RAB3GAP2: variants seen among roughly 807,000 people sequenced by gnomAD.
RAB3GAP2 encodes RAB3 GTPase activating non-catalytic protein subunit 2, also known as rab3 GTPase-activating protein non-catalytic subunit.
RAB3GAP2 carries 87 observed loss-of-function variants against 185.3 expected under a neutral mutation model. The ratio of observed to expected loss-of-function variants is 0.47; its 90% CI spans 0.39 to 0.56. RAB3GAP2 has a LOEUF of 0.56. RAB3GAP2 is among the 20% of genes least tolerant of loss of function. The pLI, the probability that RAB3GAP2 is intolerant of heterozygous loss-of-function variation, is 0.00. For missense variants in RAB3GAP2, 1,492 were observed against 1,638.2 expected (o/e 0.91, Z 1.54); for synonymous variants, 554 against 576.1 (o/e 0.96, Z 0.55).
chr1:220,163,295 G>A (rs954644554), intron 27 of RAB3GAP2, among the ~76,000 whole-genome samples: 9 of 152,048 alleles, frequency 5.9e-5, no homozygotes, highest in Non-Finnish European at 7.4e-5. Context: ...AACCCTACTC[G>A]ATGGGTAAAG....
At chr1:220,218,298 G>C (rs1325713551) in intron 2 of RAB3GAP2, among the ~76,000 whole-genome samples, 1 of 151,996 alleles carries the variant, frequency 6.6e-6, no homozygotes, top group Non-Finnish European at 1.5e-5. Flanking sequence ...TATCCTCCCA[G>C]TTTGCCATGG....
At chr1:220,163,740 C>CATAT (rs1274317823) in intron 27 of RAB3GAP2, among the ~76,000 whole-genome samples, 4,401 of 89,726 alleles carry the variant, frequency 0.049, 126 homozygotes, top group African/African-American at 0.064. Context: ...TATATAAATA[C>CATAT]ATACATATAT....
chr1:220,272,160 G>T, intron 1 of RAB3GAP2, 63 bp downstream of exon 1: 2 of 1,391,698 alleles, frequency 1.4e-6, no homozygotes, highest in South Asian at 1.2e-5. Context: ...TAGGAGACTC[G>T]AACCCGTGAG....
chr1:220,224,141 A>G (rs1198219995), intron 2 of RAB3GAP2, among the ~76,000 whole-genome samples: 1 of 152,138 alleles, frequency 6.6e-6, no homozygotes, highest in Non-Finnish European at 1.5e-5. Context: ...TTTAATCCTC[A>G]TGGCAATACT....
Position 220,232,461 on chromosome 1 carries a change from C to T in RAB3GAP2, c.180+338G>A, listed in dbSNP as rs145082024. Reference sequence around the variant, plus strand: ...CAGCCTCTGGTCCTATCACCTTCACCGTATTATGATGCAGCAAGAAGGCTC... The same window carrying T: ...CAGCCTCTGGTCCTATCACCTTCACTGTATTATGATGCAGCAAGAAGGCTC... On this transcript the variant is annotated intron_variant, in intron 2 of 34. Transcript: ENST00000358951. Among the ~76,000 whole-genome samples, 11 of 152,310 alleles carry T rather than the reference C, an allele frequency of 7.2e-5. No homozygotes were observed. The East Asian group carries it at 1.5e-3, about 21-fold the overall frequency.
chr1:220,182,849 G>T lies in RAB3GAP2; in HGVS notation c.2081C>A (p.Thr694Asn), dbSNP rs754391529. The T allele has an allele frequency of 3.1e-6, 5 of 1,613,278 alleles. No individual in the cohort carries two copies. Among genetic ancestry groups the T allele is most frequent in the South Asian group, 1.1e-5 (1 of 91,058 alleles). The change falls in exon 20 of 35, where the codon ACC (threonine) becomes AAC (asparagine). Residue 694 changes from threonine (T) to asparagine (N), a missense_variant. By Grantham distance (65) the Thr-to-Asn change is moderately conservative. Transcript: ENST00000358951. ...ATCAGAAAATCGAACATTTGTCCTG[G>T]TGTTCTCTTGCTTATATTTCTCTAG... ...ALLEKYKQENTRTNVRFSDDK... is the reference protein window; with the variant it reads ...ALLEKYKQENNRTNVRFSDDK...
intron 24 of RAB3GAP2, 94 bp from the exon 25 acceptor site, chr1:220,167,769 T>A: frequency 7.7e-7 from 1 of 1,292,030 alleles, no homozygotes; most frequent in Non-Finnish European, 1.1e-6. Context: ...GAGATCTAAG[T>A]GCCACATTCA....
intron 1 of RAB3GAP2, among the ~76,000 whole-genome samples, chr1:220,258,324 T>TA (rs925992138): frequency 2.3e-4 from 35 of 152,264 alleles, no homozygotes; most frequent in Admixed American, 9.2e-4. Flanking sequence ...AACATCAGTG[T>TA]AAAAATTCTC....
chr1:220,200,252 G>C (rs928982345), intron 9 of RAB3GAP2, among the ~76,000 whole-genome samples: 9 of 152,106 alleles, frequency 5.9e-5, no homozygotes, highest in Admixed American at 5.9e-4. Flanking sequence ...TCAAGTCTCA[G>C]TCTGAATGTC....
intron 1 of RAB3GAP2, chr1:220,266,322 G>A: frequency 3.2e-6 from 1 of 308,076 alleles, no homozygotes; most frequent in Non-Finnish European, 6.2e-6. Context: ...CAGGTACTTG[G>A]AAGGTTATTG....
At chr1:220,268,421 G>T (rs975428197) in intron 1 of RAB3GAP2, among the ~76,000 whole-genome samples, 2 of 152,032 alleles carry the variant, frequency 1.3e-5, no homozygotes, top group Non-Finnish European at 2.9e-5. Context: ...CTTGAATACC[G>T]TAGAGTACAG....
intron 1 of RAB3GAP2, chr1:220,267,359 G>T: frequency 8.5e-7 from 1 of 1,174,740 alleles, no homozygotes; most frequent in East Asian, 2.4e-5. Context: ...TGTTGGAGGT[G>T]GGACTGTATT....
intron 7 of RAB3GAP2, among the ~76,000 whole-genome samples, chr1:220,209,422 A>G (rs901678886): frequency 6.6e-6 from 1 of 152,124 alleles, no homozygotes; most frequent in African/African-American, 2.4e-5. Flanking sequence ...ACCTAATTAA[A>G]TTCTATACCC....
chr1:220,272,111 T>C, intron 1 of RAB3GAP2, 112 bp downstream of exon 1: 1 of 905,554 alleles, frequency 1.1e-6, no homozygotes. Flanking sequence ...CGGGGAGAAC[T>C]GGGGGTCCAG....
In RAB3GAP2 at chr1:220,184,158, C is replaced by G. The variant is rs1467435247; in HGVS notation, c.1876G>C (p.Glu626Gln). ...LMDTLKSQEL[E>Q]SVDEGLLQFC... ...TGTAGCAATCCTTCATCAACAGACT[C>G]AAGTTCTAAAAGGCAGAAGGAAAAG... The change falls in exon 19 of 35, where the codon GAG (glutamate) becomes CAG (glutamine). Residue 626 changes from glutamate to glutamine, a missense_variant. Glu to Gln is a conservative substitution (Grantham distance 29). This residue lies in a region of RAB3GAP2 where 681 missense variants were observed against 689.1 expected (regional missense o/e 0.99). Transcript: ENST00000358951. 2 of 1,610,310 alleles carry G rather than the reference C, an allele frequency of 1.2e-6. No homozygotes were observed. The highest frequency in any genetic ancestry group is 1.1e-5 in the South Asian group (1 of 90,960).
intron 1 of RAB3GAP2, among the ~76,000 whole-genome samples, chr1:220,261,069 T>G (rs1660127738): frequency 6.6e-6 from 1 of 151,956 alleles, no homozygotes; most frequent in African/African-American, 2.4e-5. Flanking sequence ...TTTACATACT[T>G]TAAAAAAAAG....
rs1255078660 is a variant in RAB3GAP2, at chr1:220,150,985, T to A, written c.*266A>T. 10 of 414,610 alleles carry A rather than the reference T, an allele frequency of 2.4e-5. No individual in the cohort carries two copies. In the Admixed American group the frequency reaches 2.9e-4, roughly 12 times the overall value. 25.7% of individuals were successfully genotyped at this position (414,610 alleles called of 1,614,324 possible). A position where few individuals can be genotyped will look rare whatever the true frequency, so the allele number is the denominator to read the frequency against. On this transcript the variant is annotated 3_prime_UTR_variant, in exon 35 of 35. Transcript: ENST00000358951. ...AAGTTTAACAATAAAGCTACTTAAGTGTTTGAATTAGAAATAAACAGTAAA... is the reference window on the plus strand; with the variant it reads ...AAGTTTAACAATAAAGCTACTTAAGAGTTTGAATTAGAAATAAACAGTAAA...
intron 9 of RAB3GAP2, among the ~76,000 whole-genome samples, chr1:220,200,044 T>C (rs1658819720): frequency 6.6e-6 from 1 of 152,222 alleles, no homozygotes; most frequent in Non-Finnish European, 1.5e-5. Flanking sequence ...TATCCCTACG[T>C]GATCTAACCC....
chr1:220,192,755 C>T (rs1658649058), intron 13 of RAB3GAP2, among the ~76,000 whole-genome samples: 1 of 152,154 alleles, frequency 6.6e-6, no homozygotes, highest in South Asian at 2.1e-4. Flanking sequence ...TGGTCTGTTA[C>T]TCAGGTCTGT....
Sources: gnomAD v4.1 joint callset for allele counts (sites outside exome capture counted in the v4.1 genomes callset) on GRCh38, gnomAD v4.1.1 for gene constraint, gnomAD v4.1.1 regional missense constraint, MANE v1.5 for transcripts, NCBI Gene and HGNC (gene_info 2026-07-23, HGNC 2026-07-21) for gene names.